Variants in ARK2C observed in about 807,000 individuals in gnomAD.
The protein encoded by ARK2C is E3 ubiquitin-protein ligase ARK2C.
chr18:46,396,980 G>C, the ARK2C span, among the ~76,000 whole-genome samples: 1 of 152,238 alleles, frequency 6.6e-6, no homozygotes, highest in South Asian at 2.1e-4. Context: ...GCTCTGGAAG[G>C]GTGGCCTATG....
the ARK2C span, among the ~76,000 whole-genome samples, chr18:46,371,697 G>C: frequency 6.6e-6 from 1 of 152,198 alleles, no homozygotes; most frequent in Non-Finnish European, 1.5e-5. Context: ...ACCCTTCTGA[G>C]AAGCACTGGT....
At chr18:46,387,525 C>T in the ARK2C span, among the ~76,000 whole-genome samples, 1 of 152,376 alleles carries the variant, frequency 6.6e-6, no homozygotes, top group East Asian at 1.9e-4. Context: ...AATTCCCCTC[C>T]AGGCTGTGCA....
chr18:46,374,575 T>C, the ARK2C span, among the ~76,000 whole-genome samples: 1 of 152,248 alleles, frequency 6.6e-6, no homozygotes. Context: ...TCACCTGTGC[T>C]GCACCCTGTG....
chr18:46,459,503 C>T, the ARK2C span: 1 of 152,246 alleles, frequency 6.6e-6, no homozygotes, highest in African/African-American at 2.4e-5. Flanking sequence ...CTCGTCCCCT[C>T]CCCCCTCCCA....
chr18:46,364,884 C>T, the ARK2C span, among the ~76,000 whole-genome samples: 1 of 152,126 alleles, frequency 6.6e-6, no homozygotes, highest in Non-Finnish European at 1.5e-5. Flanking sequence ...CTCTGGCCAG[C>T]TTTACTGGAA....
At chr18:46,423,893 C>T in the ARK2C span, among the ~76,000 whole-genome samples, 33 of 152,200 alleles carry the variant, frequency 2.2e-4, no homozygotes, top group Non-Finnish European at 4.3e-4. Flanking sequence ...TCCTCCTTTC[C>T]CTCGTTCCTC....
chr18:46,411,800 T>A, the ARK2C span, among the ~76,000 whole-genome samples: 1 of 152,220 alleles, frequency 6.6e-6, no homozygotes, highest in Non-Finnish European at 1.5e-5. Flanking sequence ...TTCAGTCAAG[T>A]AGCTGGACAT....
the ARK2C span, chr18:46,433,570 C>T: frequency 1.4e-6 from 2 of 1,397,668 alleles, no homozygotes; most frequent in Non-Finnish European, 1.9e-6. Flanking sequence ...AGGGCCAGGG[C>T]GTGGGCAGGG....
At chr18:46,347,725 G>A in the ARK2C span, among the ~76,000 whole-genome samples, 2 of 152,050 alleles carry the variant, frequency 1.3e-5, no homozygotes, top group Non-Finnish European at 2.9e-5. Flanking sequence ...GAGTCCCCCT[G>A]CCTGCTCCTA....
chr18:46,453,129 G>T, the ARK2C span, among the ~76,000 whole-genome samples: 1 of 152,152 alleles, frequency 6.6e-6, no homozygotes, highest in East Asian at 1.9e-4. Context: ...CTCCTCTCAA[G>T]GCACTGGATT....
chr18:46,408,443 C>T, the ARK2C span, among the ~76,000 whole-genome samples: 1 of 152,210 alleles, frequency 6.6e-6, no homozygotes, highest in Non-Finnish European at 1.5e-5. Context: ...AGCAGAATGT[C>T]CATAGAGGTT....
chr18:46,402,041 G>A, the ARK2C span, among the ~76,000 whole-genome samples: 3 of 152,168 alleles, frequency 2.0e-5, no homozygotes, highest in African/African-American at 7.2e-5. Flanking sequence ...CATCTCTCAC[G>A]GTTTATGAGG....
chr18:46,334,671 C>CGT, the ARK2C span: 4,399 of 304,412 alleles, frequency 0.014, 42 homozygotes, highest in Middle Eastern at 0.023. The surrounding 1 kb of genome is among the most constrained non-coding windows in gnomAD (Gnocchi z 4.4). Flanking sequence ...GATACATGAC[C>CGT]GTGTGTGTGT....
At chr18:46,389,942 T>A in the ARK2C span, among the ~76,000 whole-genome samples, 1 of 152,254 alleles carries the variant, frequency 6.6e-6, no homozygotes, top group East Asian at 1.9e-4. Context: ...TTGCCCAGGC[T>A]GGTCTTAAAC....
the ARK2C span, among the ~76,000 whole-genome samples, chr18:46,371,448 C>T: frequency 6.6e-6 from 1 of 152,228 alleles, no homozygotes; most frequent in Admixed American, 6.5e-5. Context: ...ACTGGATTCT[C>T]AGTCATCTCA....
the ARK2C span, chr18:46,334,316 T>C: frequency 6.3e-7 from 1 of 1,586,174 alleles, no homozygotes; most frequent in Non-Finnish European, 8.5e-7. The surrounding 1 kb of genome is among the most constrained non-coding windows in gnomAD (Gnocchi z 4.4). Flanking sequence ...TTCCAGTGTT[T>C]GGCTCTGTGC....
At chr18:46,405,041 C>T in the ARK2C span, among the ~76,000 whole-genome samples, 1 of 152,132 alleles carries the variant, frequency 6.6e-6, no homozygotes, top group Admixed American at 6.5e-5. Context: ...TATGGCAAGA[C>T]CCCACCAATT....
chr18:46,428,394 C>T, the ARK2C span, among the ~76,000 whole-genome samples: 4 of 152,092 alleles, frequency 2.6e-5, no homozygotes, highest in South Asian at 2.1e-4. Context: ...GGTGACAGAG[C>T]GAGACTCCAT....
At chr18:46,374,848 G>T in the ARK2C span, among the ~76,000 whole-genome samples, 2 of 152,186 alleles carry the variant, frequency 1.3e-5, no homozygotes, top group African/African-American at 2.4e-5. Flanking sequence ...TGCATGCCTG[G>T]AGAGAGGGGC....
Sources: gnomAD v4.1 joint callset for allele counts (sites outside exome capture counted in the v4.1 genomes callset) on GRCh38, gnomAD v4.1.1 for gene constraint, Gnocchi (gnomAD v3.1) non-coding constraint, MANE v1.5 for transcripts, NCBI Gene and HGNC (gene_info 2026-07-23, HGNC 2026-07-21) for gene names.